The following TNIK variants were observed in gnomAD, a reference collection of about 807,000 sequenced individuals.
TNIK encodes TRAF2 and NCK interacting kinase.
Under a neutral mutation model 191.3 loss-of-function variants are expected in TNIK, and 49 were observed. The ratio of observed to expected loss-of-function variants is 0.26; its 90% CI spans 0.20 to 0.32. TNIK has a LOEUF of 0.32. Ranked by LOEUF, TNIK falls within the 10% of genes least tolerant of loss-of-function variation. The pLI, the probability that TNIK is intolerant of heterozygous loss-of-function variation, is 1.00. For synonymous variants in TNIK, 594 were observed against 600.9 expected, an observed-to-expected ratio of 0.99 and a Z score of 0.17; for missense variants, 1,155 against 1,702.3, an observed-to-expected ratio of 0.68 and a Z score of 5.66.
chr3:171,084,558 C>A (rs1290103314), intron 25 of TNIK, among the ~76,000 whole-genome samples: 1 of 152,120 alleles, frequency 6.6e-6, no homozygotes, highest in Non-Finnish European at 1.5e-5. Context: ...ACACTACTTG[C>A]AGAGTCTAGA....
At chr3:171,252,956 G>A (rs941934033) in intron 2 of TNIK, among the ~76,000 whole-genome samples, 10 of 152,030 alleles carry the variant, frequency 6.6e-5, no homozygotes, top group South Asian at 2.1e-4. Flanking sequence ...TTTTGGGGCC[G>A]AAGGAAACCA....
intron 10 of TNIK, among the ~76,000 whole-genome samples, chr3:171,164,893 A>G: frequency 6.6e-6 from 1 of 152,180 alleles, no homozygotes; most frequent in South Asian, 2.1e-4. Flanking sequence ...TTGACATCTT[A>G]TTAACTGCAG....
chr3:171,395,405 G>C (rs1463769647), intron 1 of TNIK, among the ~76,000 whole-genome samples: 1 of 152,140 alleles, frequency 6.6e-6, no homozygotes, highest in African/African-American at 2.4e-5. Context: ...AACCGTGCTT[G>C]GCACTTAACA....
chr3:171,319,121 G>A (rs187241160), intron 2 of TNIK, among the ~76,000 whole-genome samples: 5 of 152,254 alleles, frequency 3.3e-5, no homozygotes, highest in East Asian at 1.9e-4. Flanking sequence ...CGAAGCTGCC[G>A]TGAGCTTTGA....
chr3:171,326,414 T>C (rs1418437581), intron 2 of TNIK, among the ~76,000 whole-genome samples: 1 of 152,010 alleles, frequency 6.6e-6, no homozygotes, highest in African/African-American at 2.4e-5. Context: ...ATATAACAAG[T>C]GTCCTGAAAG....
chr3:171,304,663 T>G (rs578039250), intron 2 of TNIK, among the ~76,000 whole-genome samples: 3,656 of 152,248 alleles, frequency 0.024, 168 homozygotes, highest in African/African-American at 0.085. Flanking sequence ...ATATACACCA[T>G]GGAATACTAT....
chr3:171,253,285 A>G (rs1560325696), intron 2 of TNIK, among the ~76,000 whole-genome samples: 1 of 151,578 alleles, frequency 6.6e-6, no homozygotes, highest in Admixed American at 6.6e-5. Flanking sequence ...CTGTCTCAAA[A>G]AAAAAAAAAA....
At chr3:171,191,581 C>T (rs1002009486) in intron 5 of TNIK, among the ~76,000 whole-genome samples, 1 of 152,200 alleles carries the variant, frequency 6.6e-6, no homozygotes, top group Non-Finnish European at 1.5e-5. Context: ...ATTTCTCAGA[C>T]CAGCCAAGAA....
At chr3:171,323,067 T>A (rs1755342434) in intron 2 of TNIK, among the ~76,000 whole-genome samples, 1 of 80,650 alleles carries the variant, frequency 1.2e-5, no homozygotes, top group Admixed American at 1.0e-4. Flanking sequence ...GCCATTCTCA[T>A]TCCTTTGTGT....
intron 2 of TNIK, among the ~76,000 whole-genome samples, chr3:171,351,717 C>T (rs921834207): frequency 5.3e-5 from 8 of 152,142 alleles, no homozygotes; most frequent in Admixed American, 2.0e-4. Context: ...ACAGACTCTG[C>T]ATCATGTAAC....
At chr3:171,084,117 G>A (rs1345277142) in intron 26 of TNIK, 38 bp downstream of exon 26, 1 of 1,480,136 alleles carries the variant, frequency 6.8e-7, no homozygotes, top group East Asian at 2.5e-5. Flanking sequence ...TTAATGAGTG[G>A]TTATTTAAAA....
At position 171,124,261 on chromosome 3, in the gene TNIK, T is replaced by C. The variant is rs549533052; in HGVS notation, c.2014-559A>G. 3.2e-4 allele frequency among the ~76,000 whole-genome samples: 48 copies of C among 152,346 alleles called. 1 individual carries two copies. The highest frequency in any genetic ancestry group is 4.6e-4 in the Non-Finnish European group (31 of 68,032). ...GATCTTGAATGTTTCTACTTTCTAA[T>C]TGATTTGCAATTACCTACTAAAACC... On this transcript the variant is annotated intron_variant, in intron 17 of 32. Coordinates refer to ENST00000436636, the MANE Select transcript of TNIK (RefSeq NM_015028.4).
At chr3:171,241,673 T>C (rs752503389) in intron 2 of TNIK, among the ~76,000 whole-genome samples, 1 of 152,224 alleles carries the variant, frequency 6.6e-6, no homozygotes, top group Non-Finnish European at 1.5e-5. Flanking sequence ...CTCTAAGATA[T>C]ATTTCTGCTA....
intron 2 of TNIK, among the ~76,000 whole-genome samples, chr3:171,325,761 A>C (rs1417474956): frequency 6.6e-6 from 1 of 152,114 alleles, no homozygotes; most frequent in Non-Finnish European, 1.5e-5. Context: ...CCAGAGGACC[A>C]CTCTGGAAAG....
At chr3:171,145,841 C>G (rs557323826) in intron 12 of TNIK, among the ~76,000 whole-genome samples, 1 of 146,690 alleles carries the variant, frequency 6.8e-6, no homozygotes, top group Admixed American at 6.9e-5. Flanking sequence ...CAGAAAAGTA[C>G]GCACCTACAC....
At chr3:171,106,201 C>T (rs1724851241) in intron 21 of TNIK, among the ~76,000 whole-genome samples, 1 of 152,194 alleles carries the variant, frequency 6.6e-6, no homozygotes, top group African/African-American at 2.4e-5. Flanking sequence ...TTAATCAAAC[C>T]CTTGGCTTTC....
intron 23 of TNIK, among the ~76,000 whole-genome samples, chr3:171,090,153 A>C (rs189211218): frequency 3.9e-5 from 6 of 152,284 alleles, no homozygotes. Context: ...GAGGGAGAGA[A>C]AGCTCCTCTA....
intron 2 of TNIK, among the ~76,000 whole-genome samples, chr3:171,325,843 A>T (rs889730147): frequency 6.6e-6 from 1 of 152,250 alleles, no homozygotes. Flanking sequence ...ACTCGGGGGA[A>T]CCTGCTTCTA....
chr3:171,290,971 A>AT (rs945002845), intron 2 of TNIK, among the ~76,000 whole-genome samples: 13 of 151,002 alleles, frequency 8.6e-5, no homozygotes, highest in South Asian at 2.1e-4. Flanking sequence ...CACTCCACCT[A>AT]TTTTTTTTTA....
Sources: allele counts gnomAD v4.1 joint callset (sites outside exome capture counted in the v4.1 genomes callset), GRCh38; gene constraint gnomAD v4.1.1; transcripts MANE v1.5; gene names NCBI Gene and HGNC (gene_info 2026-07-23, HGNC 2026-07-21).